FRMD1: variants seen among roughly 807,000 people sequenced by gnomAD.
FRMD1 encodes FERM domain-containing protein 1.
FRMD1 carries 51 observed loss-of-function variants against 54.9 expected under a neutral mutation model. That is an observed-to-expected ratio of 0.93 (90% CI 0.74 to 1.17). The LOEUF is 1.17. Among genes scored for constraint, FRMD1 ranks in the 50% most tolerant of loss-of-function variants. FRMD1 has a pLI of 0.00. For missense variants in FRMD1, 729 were observed against 743.0 expected (o/e 0.98, Z 0.22); for synonymous variants, 324 against 306.4 (o/e 1.06, Z -0.60).
Position 168,055,362 on chromosome 6 carries a change from T to C in FRMD1, c.*1735A>G, listed in dbSNP as rs990353966. On this transcript the variant is annotated 3_prime_UTR_variant, in exon 11 of 11. Transcript: ENST00000283309. ...GCGTGTGCATCTGTGTGCAGATGTG[T>C]GCGTGTGTGCATGTATGTGTGTGCA... 5 of 152,592 alleles carry C rather than the reference T, an allele frequency of 3.3e-5. No individual in the cohort carries two copies. Among genetic ancestry groups the C allele is most frequent in the African/African-American group, 9.7e-5 (4 of 41,400 alleles). 9.5% of individuals were successfully genotyped at this position (152,592 alleles called of 1,614,324 possible).
At chr6:168,080,774 A>G (rs1275404878), upstream of FRMD1, among the ~76,000 whole-genome samples, 2 of 151,862 alleles carry the variant, frequency 1.3e-5, no homozygotes. Flanking sequence ...TGCACTAATG[A>G]TCAAAGCGAT....
intron 1 of FRMD1, among the ~76,000 whole-genome samples, chr6:168,091,443 G>T (rs1801014262): frequency 6.6e-6 from 1 of 152,162 alleles, no homozygotes; most frequent in Non-Finnish European, 1.5e-5. Flanking sequence ...TCAAGTCCTC[G>T]CCCCTCCTCT....
rs547170935 is a variant in FRMD1, at chr6:168,062,450, G to A, written c.870+444C>T. Among the ~76,000 whole-genome samples, 73 of 152,322 alleles carry A rather than the reference G, an allele frequency of 4.8e-4. 2 individuals are homozygous for A. In the South Asian group the frequency reaches 0.014, roughly 30 times the overall value. The stretch of plus-strand genomic sequence containing the variant: ...AATTGGGAGCCAGAAGTTTTCAAGC[G>A]ATAACAACAACTAGACCTCACCGGG... On this transcript the variant is annotated intron_variant, in intron 7 of 10. Coordinates refer to ENST00000283309, the MANE Select transcript of FRMD1 (RefSeq NM_024919.6).
upstream of FRMD1, chr6:168,081,299 C>G (rs959061090): frequency 8.9e-6 from 13 of 1,455,140 alleles, no homozygotes; most frequent in Non-Finnish European, 1.2e-5. Context: ...AACTTTGCAC[C>G]CTGAGAAGGC....
At chr6:168,080,926 G>T (rs1230632964), upstream of FRMD1, among the ~76,000 whole-genome samples, 1 of 151,784 alleles carries the variant, frequency 6.6e-6, no homozygotes, top group Non-Finnish European at 1.5e-5. Flanking sequence ...GGTGACCGTG[G>T]GCCAATGAGC....
rs1799890490 is a variant in FRMD1 at position 168,063,830 on chromosome 6, A to C, written c.649-74T>G. 4.7e-6 allele frequency: 7 copies of C among 1,481,906 alleles called. No individual in the cohort carries two copies. The Admixed American group carries it at 1.3e-4, about 28-fold the overall frequency. The allele number at this position is 1,481,906 out of a possible 1,614,324, so 91.8% of individuals were successfully genotyped here. On this transcript the variant is annotated intron_variant, in intron 5 of 10. Coordinates refer to ENST00000283309, the MANE Select transcript of FRMD1 (RefSeq NM_024919.6). ...TCCTCCTTGCCAGCCCCCTGCTCCGAGAAGCTTCCCCAGACTCCCACAGCT... is the reference window on the plus strand; with the variant it reads ...TCCTCCTTGCCAGCCCCCTGCTCCGCGAAGCTTCCCCAGACTCCCACAGCT...
chr6:168,067,089 C>A (rs1442949529), intron 3 of FRMD1: 4 of 707,188 alleles, frequency 5.7e-6, no homozygotes, highest in Non-Finnish European at 7.7e-6. Context: ...CCTCAGGGCT[C>A]ACCACAGTCC....
rs1406637345 is a variant in FRMD1, at chr6:168,079,151, C to G, written c.-57G>C. 4.0e-6 allele frequency: 6 copies of G among 1,516,250 alleles called. No individual in the cohort carries two copies. The Admixed American group carries it at 1.0e-4, about 26-fold the overall frequency. 93.9% of individuals were successfully genotyped at this position (1,516,250 alleles called of 1,614,324 possible). On this transcript the variant is annotated 5_prime_UTR_variant, in exon 1 of 11. Transcript: ENST00000283309. ...GTCGCAGGTGGGTGCTCAGCACCTC[C>G]CAGATCACAGCTGTGCTTTCCGGGA...
At chr6:168,062,824 C>T in intron 7 of FRMD1, 70 bp downstream of exon 7, 1 of 1,605,296 alleles carries the variant, frequency 6.2e-7, no homozygotes, top group Non-Finnish European at 8.5e-7. Flanking sequence ...AGCCCAGACT[C>T]CAGTGGGGAA....
At position 168,056,096 on chromosome 6, in the gene FRMD1, A is replaced by T. The variant is rs1799388672; in HGVS notation, c.*1001T>A. On this transcript the variant is annotated 3_prime_UTR_variant, in exon 11 of 11. Coordinates refer to ENST00000283309, the MANE Select transcript of FRMD1 (RefSeq NM_024919.6). ...ATGGGCCTGAGACTAGCAGGGATGC[A>T]CGGGCCATTCCTCTAAATGCAGAGG... is the stretch of plus-strand genomic sequence containing the variant. 6.6e-6 allele frequency: 1 copy of T among 152,396 alleles called. No individual in the cohort carries two copies. Among genetic ancestry groups the T allele is most frequent in the South Asian group, 2.1e-4 (1 of 4,834 alleles). 9.4% of individuals were successfully genotyped at this position (152,396 alleles called of 1,614,324 possible).
rs556110667 is a variant in FRMD1, at chr6:168,088,859, G to A, written c.-11-9835C>T. Among the ~76,000 whole-genome samples the A allele has an allele frequency of 7.0e-3, 1,065 of 152,044 alleles. 11 individuals are homozygous for A. Among genetic ancestry groups the A allele is most frequent in the African/African-American group, 0.024 (1,003 of 41,350 alleles). On this transcript the variant is annotated intron_variant, in intron 1 of 12. Coordinates refer to the FRMD1 transcript ENST00000644440. ...TAACCAGGTGTCCGTGTGACCCACCGGCCTGCCTGTCAACCTCCCCACTCC... is the reference window on the plus strand; with the variant it reads ...TAACCAGGTGTCCGTGTGACCCACCAGCCTGCCTGTCAACCTCCCCACTCC...
chr6:168,064,253 G>A (rs1230391175), intron 5 of FRMD1, among the ~76,000 whole-genome samples: 3 of 152,196 alleles, frequency 2.0e-5, no homozygotes, highest in Non-Finnish European at 4.4e-5. Context: ...GCCCCAAGGT[G>A]CACAGGATAG....
At chr6:168,084,413 C>A (rs56330163), upstream of FRMD1, among the ~76,000 whole-genome samples, 1 of 152,206 alleles carries the variant, frequency 6.6e-6, no homozygotes, top group African/African-American at 2.4e-5. Context: ...CCATAGAGAG[C>A]CAACAATTAC....
Position 168,060,932 on chromosome 6 carries a change from C to G in FRMD1, c.1171G>C (p.Asp391His), listed in dbSNP as rs772265105. ...CPHCLSRHSA[D>H]SHGSSYTSGI... is the part of the protein sequence containing the mutation. ...GACGTGTAGGAACTGCCGTGGCTGTCGGCGGAGTGGCGTGAGAGGCAGTGG... is the reference window on the plus strand; with the variant it reads ...GACGTGTAGGAACTGCCGTGGCTGTGGGCGGAGTGGCGTGAGAGGCAGTGG... Residue 391 changes from aspartate (D) to histidine (H), a missense_variant, in exon 9 of 11, where the codon GAC becomes CAC. Coordinates refer to ENST00000283309, the MANE Select transcript of FRMD1 (RefSeq NM_024919.6). 6.2e-7 allele frequency: 1 copy of G among 1,613,678 alleles called. No homozygotes were observed. Among genetic ancestry groups the G allele is most frequent in the South Asian group, 1.1e-5 (1 of 91,064 alleles).
Position 168,064,909 on chromosome 6 carries a change from C to A in FRMD1, c.610G>T (p.Gly204Trp). 1 of 1,596,154 alleles carries A rather than the reference C, an allele frequency of 6.3e-7. No individual in the cohort carries two copies. Among genetic ancestry groups the A allele is most frequent in the East Asian group, 2.3e-5 (1 of 43,648 alleles). ...LGEHRESAHA[G>W]RYFEPHSYFP... Reference sequence around the variant, plus strand: ...TAGGAGTGTGGCTCGAAGTACCTCCCGGCATGGGCCGACTCCCGGTGCTCG... The same window carrying A: ...TAGGAGTGTGGCTCGAAGTACCTCCAGGCATGGGCCGACTCCCGGTGCTCG... The change falls in exon 5 of 11, where the codon GGG (glycine) becomes TGG (tryptophan). Residue 204 changes from glycine to tryptophan, a missense_variant. Physicochemically the swap from Gly to Trp is radical, Grantham distance 184 (BLOSUM62 -2). Transcript: ENST00000283309.
rs1000295096 is a variant in FRMD1 at position 168,059,944 on chromosome 6, A to G, written c.1343-756T>C. Among the ~76,000 whole-genome samples the G allele has an allele frequency of 1.6e-4, 24 of 151,900 alleles. No homozygotes were observed. The highest frequency in any genetic ancestry group is 1.2e-4 in the Non-Finnish European group (8 of 67,952). Reference sequence around the variant, plus strand: ...CCTACTCAACTGAGTATAAAAAGACATGAGTCTAACCCAGGCTTTCTGATG... The same window carrying G: ...CCTACTCAACTGAGTATAAAAAGACGTGAGTCTAACCCAGGCTTTCTGATG... On this transcript the variant is annotated intron_variant, in intron 9 of 10. Transcript: ENST00000283309. The surrounding 1 kb of genome is among the most constrained non-coding windows in gnomAD (Gnocchi z 4.4).
intron 1 of FRMD1, among the ~76,000 whole-genome samples, chr6:168,086,842 C>T (rs1394901530): frequency 2.0e-5 from 3 of 152,246 alleles, no homozygotes; most frequent in Non-Finnish European, 4.4e-5. Flanking sequence ...CCCATGTGAC[C>T]CCGTTCTGCT....
At chr6:168,073,811 T>G (rs955359526) in intron 2 of FRMD1, among the ~76,000 whole-genome samples, 1 of 151,924 alleles carries the variant, frequency 6.6e-6, no homozygotes, top group African/African-American at 2.4e-5. Flanking sequence ...GAGGATGGAG[T>G]GTGGGTTCCG....
intron 7 of FRMD1, 56 bp from the exon 8 acceptor site, chr6:168,062,037 A>T: frequency 6.6e-7 from 1 of 1,523,036 alleles, no homozygotes; most frequent in African/African-American, 1.4e-5. Context: ...CGCTAGCCAC[A>T]GGAAAGGATG....
Sources: allele counts gnomAD v4.1 joint callset (sites outside exome capture counted in the v4.1 genomes callset), GRCh38; gene constraint gnomAD v4.1.1; non-coding constraint Gnocchi (gnomAD v3.1); transcripts MANE v1.5; gene names NCBI Gene and HGNC (gene_info 2026-07-23, HGNC 2026-07-21).